Variants in GAS7 observed in about 807,000 individuals in gnomAD.
GAS7 encodes growth arrest specific 7, also known as growth arrest-specific protein 7.
Under a neutral mutation model 71.1 loss-of-function variants are expected in GAS7, and 28 were observed. The observed-to-expected ratio is 0.39, with a 90% CI of 0.29 to 0.54. The LOEUF is 0.54. Ranked by LOEUF, GAS7 falls within the 20% of genes least tolerant of loss-of-function variation. GAS7 has a pLI of 0.62. For missense variants in GAS7, 436 were observed against 627.8 expected (o/e 0.69, Z 3.27); for synonymous variants, 258 against 245.8 (o/e 1.05, Z -0.46).
At chr17:10,036,543 T>C (rs979592841) in intron 1 of GAS7, 2 of 1,586,536 alleles carry the variant, frequency 1.3e-6, no homozygotes, top group African/African-American at 2.7e-5. Context: ...TTCCTCTTCA[T>C]GGCAGCCTCT....
chr17:9,924,577 C>T (rs2152072733), intron 11 of GAS7: 1 of 141,612 alleles, frequency 7.1e-6, no homozygotes. Context: ...ACTTCTTGAT[C>T]CTGTAATTTA....
rs58514810 is a variant in GAS7 at position 10,158,336 on chromosome 17, TAAA to T, written c.183+39869_183+39871del. 1.7e-4 allele frequency among the ~76,000 whole-genome samples: 14 copies of T among 83,398 alleles called. No individual in the cohort carries two copies. In the East Asian group the frequency reaches 3.4e-3, roughly 20 times the overall value. 54.7% of individuals were successfully genotyped at this position (83,398 alleles called of 152,430 possible). A position where few individuals can be genotyped will look rare whatever the true frequency, so the allele number is the denominator to read the frequency against. ...CCAATCCTGTTTTTTCTTTTTTTGG[TAAA>T]AAAAAAAAAAAAAAAAAAAAACAAG... On this transcript the variant is annotated intron_variant, in intron 1 of 13. Transcript: ENST00000432992.
At chr17:10,196,857 G>C (rs1316392308) in intron 1 of GAS7, among the ~76,000 whole-genome samples, 1 of 152,240 alleles carries the variant, frequency 6.6e-6, no homozygotes, top group East Asian at 1.9e-4. Flanking sequence ...TCCGAATCTC[G>C]GGAAAGGAAC....
At chr17:10,011,392 T>C (rs1037935548) in intron 2 of GAS7, among the ~76,000 whole-genome samples, 31 of 152,238 alleles carry the variant, frequency 2.0e-4, no homozygotes, top group African/African-American at 6.5e-4. Context: ...CAGTGTGAAA[T>C]AGGAGACAAG....
At chr17:10,065,421 G>A (rs544155144) in intron 1 of GAS7, among the ~76,000 whole-genome samples, 4 of 152,236 alleles carry the variant, frequency 2.6e-5, no homozygotes, top group African/African-American at 9.6e-5. Flanking sequence ...TATTGATAGG[G>A]CCATACTCCT....
intron 8 of GAS7, among the ~76,000 whole-genome samples, chr17:9,937,412 G>A (rs368325167): frequency 7.9e-5 from 12 of 152,232 alleles, no homozygotes; most frequent in African/African-American, 1.9e-4. Context: ...TGCAGGGCAC[G>A]GGGATACTTA....
At chr17:10,121,724 A>G (rs936678060) in intron 1 of GAS7, among the ~76,000 whole-genome samples, 25 of 152,298 alleles carry the variant, frequency 1.6e-4, no homozygotes, top group African/African-American at 6.0e-4. Context: ...GGAGATAAGT[A>G]AAAGCATGGG....
chr17:10,192,593 C>T (rs116552793), intron 1 of GAS7, among the ~76,000 whole-genome samples: 1,577 of 152,240 alleles, frequency 0.01, 29 homozygotes, highest in African/African-American at 0.036. Flanking sequence ...ATCCACAGAG[C>T]GGTGAACAGA....
chr17:10,006,481 C>T (rs1332489985), intron 2 of GAS7, among the ~76,000 whole-genome samples: 2 of 151,862 alleles, frequency 1.3e-5, no homozygotes, highest in Non-Finnish European at 2.9e-5. Flanking sequence ...AGGCGCCTGC[C>T]ACCATGCCCG....
At position 10,171,333 on chromosome 17, in the gene GAS7, C is replaced by T. The variant is rs537581831; in HGVS notation, c.183+26875G>A. 5.3e-5 allele frequency among the ~76,000 whole-genome samples: 8 copies of T among 152,312 alleles called. No individual in the cohort carries two copies. The South Asian group carries it at 6.2e-4, about 12-fold the overall frequency. On this transcript the variant is annotated intron_variant, in intron 1 of 13. Transcript: ENST00000432992. ...CTTGGTCCAAGCAGGGCTCTGACAGCGAACCCAGAACCCCATTCACAGCTG... is the reference window on the plus strand; with the variant it reads ...CTTGGTCCAAGCAGGGCTCTGACAGTGAACCCAGAACCCCATTCACAGCTG...
chr17:10,085,647 G>A (rs12942642), intron 1 of GAS7, among the ~76,000 whole-genome samples: 18,133 of 142,834 alleles, frequency 0.13, 1,465 homozygotes, highest in Admixed American at 0.24. Context: ...AGCCAAGATC[G>A]TGCCACTGCA....
At chr17:10,041,018 C>T (rs1303143225) in intron 1 of GAS7, among the ~76,000 whole-genome samples, 1 of 151,986 alleles carries the variant, frequency 6.6e-6, no homozygotes, top group Non-Finnish European at 1.5e-5. Flanking sequence ...AAAAATTAGC[C>T]AGGCGTGGTG....
chr17:9,947,548 C>G (rs2068834742), intron 5 of GAS7, among the ~76,000 whole-genome samples: 1 of 152,066 alleles, frequency 6.6e-6, no homozygotes, highest in African/African-American at 2.4e-5. Context: ...AGTTCGAGAC[C>G]AGCCTGACCA....
intron 1 of GAS7, among the ~76,000 whole-genome samples, chr17:10,129,950 G>T (rs1049152262): frequency 3.3e-5 from 5 of 152,038 alleles, no homozygotes; most frequent in African/African-American, 1.2e-4. Flanking sequence ...AAGGCAGGTG[G>T]ATCGCGAGGT....
intron 3 of GAS7, among the ~76,000 whole-genome samples, chr17:9,975,337 A>G (rs1443719627): frequency 3.3e-5 from 4 of 120,854 alleles, no homozygotes; most frequent in Non-Finnish European, 6.8e-5. Flanking sequence ...CCTGGGCAAC[A>G]AGTGCGAAAC....
chr17:10,178,702 C>CTTTTTT (rs397857157), intron 1 of GAS7, among the ~76,000 whole-genome samples: 1,626 of 34,626 alleles, frequency 0.047, 473 homozygotes, highest in Admixed American at 0.072. Flanking sequence ...CCCCCACCAC[C>CTTTTTT]TTTTTTTTTT....
At chr17:9,997,446 C>T (rs76864716) in intron 2 of GAS7, among the ~76,000 whole-genome samples, 1 of 152,148 alleles carries the variant, frequency 6.6e-6, no homozygotes, top group African/African-American at 2.4e-5. Flanking sequence ...CCATTTGCTA[C>T]ATCTGATAAC....
In GAS7 at chr17:10,034,829, G is replaced by A. The variant is rs538631876; in HGVS notation, c.184-14932C>T. On this transcript the variant is annotated intron_variant, in intron 1 of 13. Coordinates refer to ENST00000432992, the MANE Select transcript of GAS7 (RefSeq NM_201433.2). This position sits in a 1 kb window ranked among gnomAD's most constrained non-coding sequence, Gnocchi z 4.4. Reference sequence around the variant, plus strand: ...ACCACACTGAGTTCTGTCCTGATGCGTCCACCTCTTCCCTGTCACTCCTCC... The same window carrying A: ...ACCACACTGAGTTCTGTCCTGATGCATCCACCTCTTCCCTGTCACTCCTCC... Among the ~76,000 whole-genome samples the A allele has an allele frequency of 4.6e-5, 7 of 152,086 alleles. No homozygotes were observed. The South Asian group carries it at 6.2e-4, about 14-fold the overall frequency.
intron 1 of GAS7, among the ~76,000 whole-genome samples, chr17:10,121,776 G>A (rs1421935562): frequency 6.6e-6 from 1 of 152,066 alleles, no homozygotes; most frequent in Non-Finnish European, 1.5e-5. Context: ...ATGCTTCCCT[G>A]TACCCCGTCA....
Sources: gnomAD v4.1 joint callset for allele counts (sites outside exome capture counted in the v4.1 genomes callset) on GRCh38, gnomAD v4.1.1 for gene constraint, Gnocchi (gnomAD v3.1) non-coding constraint, MANE v1.5 for transcripts, NCBI Gene and HGNC (gene_info 2026-07-23, HGNC 2026-07-21) for gene names.